The following CDH2 variants were observed in gnomAD, a reference collection of about 807,000 sequenced individuals.
The protein encoded by CDH2 is cadherin 2.
In CDH2, 17 loss-of-function variants were observed where a neutral mutation model predicts 92.0. The observed-to-expected ratio is 0.18, with a 90% CI of 0.13 to 0.28. CDH2 has a LOEUF of 0.28. Ranked by LOEUF, CDH2 falls within the 10% of genes least tolerant of loss-of-function variation. The pLI, the probability that CDH2 is intolerant of heterozygous loss-of-function variation, is 1.00. For synonymous variants in CDH2, 419 were observed against 415.9 expected (o/e 1.01, Z -0.09); for missense variants, 862 against 1,133.1 (o/e 0.76, Z 3.44).
chr18:28,146,201 TA>T (rs923840732), intron 2 of CDH2: 8 of 152,162 alleles, frequency 5.3e-5, no homozygotes, highest in Non-Finnish European at 7.4e-5. Flanking sequence ...ATTACCCATT[TA>T]AAAATGAATC....
intron 2 of CDH2, among the ~76,000 whole-genome samples, chr18:28,022,100 A>T (rs2013425633): frequency 6.6e-6 from 1 of 152,068 alleles, no homozygotes; most frequent in African/African-American, 2.4e-5. Flanking sequence ...AATGGTCACC[A>T]CATAACGAAT....
At position 27,933,827 on chromosome 18, in the gene CDH2, A is replaced by G. The variant is rs113121650; in HGVS notation, c.1152-703T>C. Among the ~76,000 whole-genome samples the G allele has an allele frequency of 4.3e-4, 65 of 152,348 alleles. 1 individual carries two copies. Among genetic ancestry groups the G allele is most frequent in the African/African-American group, 1.5e-3 (64 of 41,586 alleles). On this transcript the variant is annotated intron_variant, in intron 6 of 6. Transcript: ENST00000675173. The stretch of plus-strand genomic sequence containing the variant: ...CATATTTTCTAAGAAATTTGAAATT[A>G]TACCTAACTAAGACTTTCCAAACCC...
intron 2 of CDH2, among the ~76,000 whole-genome samples, chr18:28,018,358 C>T (rs2013313135): frequency 6.6e-6 from 1 of 151,996 alleles, no homozygotes; most frequent in Non-Finnish European, 1.5e-5. Context: ...ATCAAAATGC[C>T]ACCATTATTC....
chr18:28,140,515 T>G (rs1435000027), intron 2 of CDH2, among the ~76,000 whole-genome samples: 1 of 151,812 alleles, frequency 6.6e-6, no homozygotes, highest in Non-Finnish European at 1.5e-5. Context: ...ATTAGTGCCC[T>G]TACAGAAGAG....
chr18:28,174,232 T>A (rs1017208408), intron 1 of CDH2, among the ~76,000 whole-genome samples: 4 of 151,880 alleles, frequency 2.6e-5, no homozygotes, highest in African/African-American at 9.7e-5. Context: ...ATCGGCTGCT[T>A]AGTCTGGAAT....
At chr18:28,000,561 G>T (rs2012734024) in intron 7 of CDH2, among the ~76,000 whole-genome samples, 1 of 152,068 alleles carries the variant, frequency 6.6e-6, no homozygotes, top group Non-Finnish European at 1.5e-5. Context: ...AACCTGGGGG[G>T]AGCAGGGGTG....
chr18:28,162,542 C>T (rs1365600452), intron 1 of CDH2, among the ~76,000 whole-genome samples: 1 of 152,150 alleles, frequency 6.6e-6, no homozygotes, highest in Non-Finnish European at 1.5e-5. Context: ...TATCCTGCAT[C>T]TGGCTCAATC....
At chr18:27,937,919 A>G (rs1463077428) in intron 6 of CDH2, among the ~76,000 whole-genome samples, 1 of 152,208 alleles carries the variant, frequency 6.6e-6, no homozygotes, top group East Asian at 1.9e-4. Context: ...AAATATAGGC[A>G]TATGATATGG....
intron 2 of CDH2, among the ~76,000 whole-genome samples, chr18:28,086,542 A>C (rs1461222771): frequency 2.0e-5 from 3 of 152,118 alleles, no homozygotes; most frequent in African/African-American, 4.8e-5. Context: ...TGTGTGGGTC[A>C]GCATCATATC....
At chr18:28,090,222 C>T (rs1303064968) in intron 2 of CDH2, among the ~76,000 whole-genome samples, 2 of 152,142 alleles carry the variant, frequency 1.3e-5, no homozygotes, top group Non-Finnish European at 2.9e-5. Context: ...AAGACAATGC[C>T]TATAAACTAC....
chr18:28,103,596 C>A (rs2144238556), intron 2 of CDH2, among the ~76,000 whole-genome samples: 1 of 151,920 alleles, frequency 6.6e-6, no homozygotes, highest in East Asian at 1.9e-4. Flanking sequence ...TGGTTTGCTG[C>A]ACCCATCAAC....
chr18:27,945,742 A>AAATGCAGG (rs1365218085), intron 6 of CDH2, among the ~76,000 whole-genome samples: 1 of 152,120 alleles, frequency 6.6e-6, no homozygotes, highest in Non-Finnish European at 1.5e-5. Flanking sequence ...TCACAACTCA[A>AAATGCAGG]AATGCAGGAT....
chr18:28,064,790 C>A (rs945122731), intron 2 of CDH2, among the ~76,000 whole-genome samples: 1 of 152,036 alleles, frequency 6.6e-6, no homozygotes, highest in African/African-American at 2.4e-5. Flanking sequence ...TCCCCTTCTT[C>A]GGAGATCTCT....
chr18:28,065,183 T>C (rs913390177), intron 2 of CDH2, among the ~76,000 whole-genome samples: 2 of 152,164 alleles, frequency 1.3e-5, no homozygotes, highest in Non-Finnish European at 2.9e-5. Context: ...TCTTGGGAAC[T>C]GAGCCAGAAA....
chr18:27,960,019 A>AAAACAC (rs1555627897), intron 15 of CDH2, among the ~76,000 whole-genome samples: 2 of 149,614 alleles, frequency 1.3e-5, no homozygotes, highest in African/African-American at 4.9e-5. Flanking sequence ...TGTCTCTTAA[A>AAAACAC]ACACACACAC....
rs371889642 is a variant in CDH2 at position 27,965,510 on chromosome 18, G to A, written c.2350-1989C>T. Among the ~76,000 whole-genome samples the A allele has an allele frequency of 1.1e-4, 16 of 152,328 alleles. No homozygotes were observed. In the East Asian group the frequency reaches 1.2e-3, roughly 11 times the overall value. On this transcript the variant is annotated intron_variant, in intron 14 of 15. Coordinates refer to ENST00000269141, the MANE Select transcript of CDH2 (RefSeq NM_001792.5). ...GGGAGAGTCCACAGCAGGAGCAAAG[G>A]CATCAGAATGCTGCTTTCTCTTGTC...
intron 2 of CDH2, among the ~76,000 whole-genome samples, chr18:28,076,526 T>C (rs17494374): frequency 2.0e-5 from 3 of 152,200 alleles, no homozygotes; most frequent in Admixed American, 2.0e-4. Context: ...TTTAACATTT[T>C]AGATACAGTT....
chr18:28,026,085 T>G (rs1211159972), intron 2 of CDH2, among the ~76,000 whole-genome samples: 1 of 152,170 alleles, frequency 6.6e-6, no homozygotes, highest in African/African-American at 2.4e-5. Context: ...CCAGAATTTG[T>G]CTGTGAAACT....
chr18:28,151,137 C>G (rs1242306511), intron 1 of CDH2, among the ~76,000 whole-genome samples: 1 of 152,220 alleles, frequency 6.6e-6, no homozygotes, highest in African/African-American at 2.4e-5. Context: ...TGAGCAGAAT[C>G]CCCTTAGGGG....
Sources: gnomAD v4.1 joint callset for allele counts (sites outside exome capture counted in the v4.1 genomes callset) on GRCh38, gnomAD v4.1.1 for gene constraint, MANE v1.5 for transcripts, NCBI Gene and HGNC (gene_info 2026-07-23, HGNC 2026-07-21) for gene names.